DUOX1: variants seen among roughly 807,000 people sequenced by gnomAD.
DUOX1 encodes dual oxidase 1.
DUOX1 carries 134 observed loss-of-function variants against 181.8 expected under a neutral mutation model. The observed-to-expected ratio is 0.74, with a 90% confidence interval of 0.64 to 0.85. DUOX1 has a LOEUF of 0.85. Ranked by LOEUF, DUOX1 falls within the 40% of genes least tolerant of loss-of-function variation. The pLI is 0.00. For synonymous variants in DUOX1, 798 were observed against 832.5 expected, an observed-to-expected ratio of 0.96 and a Z score of 0.71; for missense variants, 1,814 against 2,064.4, an observed-to-expected ratio of 0.88 and a Z score of 2.35.
intron 29 of DUOX1, 47 bp downstream of exon 29, chr15:45,161,037 C>T (rs1897086487): frequency 1.2e-6 from 2 of 1,611,980 alleles, no homozygotes; most frequent in Non-Finnish European, 1.7e-6. Flanking sequence ...AGGGAGCTGA[C>T]CGGGCAGAGG....
chr15:45,157,003 G>A (rs1230282807), intron 28 of DUOX1, among the ~76,000 whole-genome samples: 1 of 152,200 alleles, frequency 6.6e-6, no homozygotes, highest in African/African-American at 2.4e-5. Flanking sequence ...GGCTCCAGCT[G>A]TTCCCTGCAG....
At chr15:45,162,111 C>T in intron 30 of DUOX1, 108 bp from the exon 31 acceptor site, 1 of 1,495,352 alleles carries the variant, frequency 6.7e-7, no homozygotes, top group South Asian at 1.3e-5. Flanking sequence ...ACAAATCCTC[C>T]TCTTCCCCTC....
chr15:45,152,153 G>A, intron 24 of DUOX1, 101 bp downstream of exon 24: 1 of 1,498,050 alleles, frequency 6.7e-7, no homozygotes, highest in Non-Finnish European at 9.0e-7. Flanking sequence ...GGTAGGGTAA[G>A]TGGAGCCTGT....
intron 20 of DUOX1, 24 bp from the exon 21 acceptor site, chr15:45,148,248 A>G (rs751743729): frequency 7.6e-5 from 122 of 1,613,534 alleles, no homozygotes; most frequent in Non-Finnish European, 9.9e-5. Context: ...TCAGGGCCGG[A>G]TGGTTCCTCT....
chr15:45,164,977 T>C lies in DUOX1; in HGVS notation c.*76T>C. 1 of 1,528,274 alleles carries C rather than the reference T, an allele frequency of 6.5e-7. No homozygotes were observed. The highest frequency in any genetic ancestry group is 1.7e-5 in the Admixed American group (1 of 57,216). 94.7% of individuals were successfully genotyped at this position (1,528,274 alleles called of 1,614,324 possible). The stretch of plus-strand genomic sequence containing the variant: ...CCACACCTCACCTCTGTTCTTCCTA[T>C]TTCTGGCTGCCTCAGCCTTCTCTGA... On this transcript the variant is annotated 3_prime_UTR_variant, in exon 34 of 34. Transcript: ENST00000389037.
chr15:45,134,229 G>A lies in DUOX1; in HGVS notation c.227G>A (p.Arg76Gln), dbSNP rs746628274. The change falls in exon 4 of 34, where the codon CGA (arginine) becomes CAA (glutamine). Residue 76 changes from arginine (R) to glutamine (Q), a missense_variant. Arg to Gln is a conservative substitution (Grantham distance 43). Around this residue, in one of 5 missense-constraint regions of DUOX1, gnomAD observed 320 missense variants for 313.1 expected, o/e 1.02. Coordinates refer to ENST00000389037, the MANE Select transcript of DUOX1 (RefSeq NM_175940.3). ...GGAGAACCCCACCTGCCCAACCCCC[G>A]AGACCTTAGCAACACCATCTCAAGG... ...PLGEPHLPNP[R>Q]DLSNTISRGP... 7.5e-5 allele frequency: 119 copies of A among 1,578,420 alleles called. No individual in the cohort carries two copies. The highest frequency in any genetic ancestry group is 9.4e-5 in the Non-Finnish European group (110 of 1,164,978).
At chr15:45,148,741 G>A (rs964948029) in intron 21 of DUOX1, among the ~76,000 whole-genome samples, 1 of 152,078 alleles carries the variant, frequency 6.6e-6, no homozygotes. Context: ...CTGGTGGGGT[G>A]GGTAGGGTCA....
At position 45,145,025 on chromosome 15, in the gene DUOX1, C is replaced by A; in HGVS notation, c.2267C>A (p.Thr756Lys). 1 of 1,613,710 alleles carries A rather than the reference C, an allele frequency of 6.2e-7. No homozygotes were observed. Among genetic ancestry groups the A allele is most frequent in the Non-Finnish European group, 8.5e-7 (1 of 1,179,864 alleles). ...REQELMRAAV[T>K]REQRRHLLET... ...CAGGAGCTGATGAGAGCAGCTGTGA[C>A]ACGGGAGCAGCGGAGGCACCTCCTG... Residue 756 changes from threonine to lysine, a missense_variant, in exon 18 of 34, where the codon ACA (threonine) becomes AAA (lysine). By Grantham distance (78) the Thr-to-Lys change is moderately conservative. Transcript: ENST00000389037.
intron 23 of DUOX1, among the ~76,000 whole-genome samples, chr15:45,151,653 A>T (rs1896806639): frequency 6.6e-6 from 1 of 152,086 alleles, no homozygotes; most frequent in African/African-American, 2.4e-5. Context: ...CTGGGAAGAA[A>T]TGACCACTCC....
In DUOX1 at chr15:45,142,044, G is replaced by C. The variant is rs370040367; in HGVS notation, c.1754G>C (p.Arg585Pro). The change falls in exon 15 of 34, where the codon CGT becomes CCT. Residue 585 changes from arginine (R) to proline (P), a missense_variant. Transcript: ENST00000389037. ...GLPACAPSVVRDYFEGSGFGF... is the reference protein window; with the variant it reads ...GLPACAPSVVPDYFEGSGFGF... ...CCAGCGTGTGCTCCCTCTGTTGTTCGTGACTATTTTGAGGGCAGTGGATTT... is the reference window on the plus strand; with the variant it reads ...CCAGCGTGTGCTCCCTCTGTTGTTCCTGACTATTTTGAGGGCAGTGGATTT... 3.7e-5 allele frequency: 60 copies of C among 1,613,888 alleles called. No individual in the cohort carries two copies. The highest frequency in any genetic ancestry group is 1.1e-5 in the South Asian group (1 of 91,072).
Position 45,141,387 on chromosome 15 carries a change from C to A in DUOX1, c.1661C>A (p.Pro554His). Residue 554 changes from proline to histidine, a missense_variant, in exon 14 of 34, where the codon CCC (proline) becomes CAC (histidine). By Grantham distance (77) the Pro-to-His change is moderately conservative (BLOSUM62 -2). Coordinates refer to ENST00000389037, the MANE Select transcript of DUOX1 (RefSeq NM_175940.3). ...VINIDPSALQ[P>H]NVFVWHKGDP... ...AACATTGACCCCAGTGCTCTGCAGC[C>A]CAATGTCTTTGTCTGGCATAAAGGT... 1 of 1,614,194 alleles carries A rather than the reference C, an allele frequency of 6.2e-7. No individual in the cohort carries two copies. The highest frequency in any genetic ancestry group is 8.5e-7 in the Non-Finnish European group (1 of 1,180,044).
chr15:45,135,131 G>C lies in DUOX1; in HGVS notation c.335G>C (p.Ser112Thr). The C allele has an allele frequency of 6.2e-7, 1 of 1,613,796 alleles. No individual in the cohort carries two copies. The highest frequency in any genetic ancestry group is 8.5e-7 in the Non-Finnish European group (1 of 1,179,914). The change falls in exon 5 of 34, where the codon AGC (serine) becomes ACC (threonine). Residue 112 changes from serine (S) to threonine (T), a missense_variant. This residue lies in a region of DUOX1 where 320 missense variants were observed against 313.1 expected (regional missense o/e 1.02). Coordinates refer to ENST00000389037, the MANE Select transcript of DUOX1 (RefSeq NM_175940.3). Reference sequence around the variant, plus strand: ...TATCACGTGCTTTCAGACCTGGTGAGCGTGGAAACTCCCGGCTGCCCCGCC... The same window carrying C: ...TATCACGTGCTTTCAGACCTGGTGACCGTGGAAACTCCCGGCTGCCCCGCC... Reference protein sequence around the residue: ...FGYHVLSDLVSVETPGCPAEF... With the variant: ...FGYHVLSDLVTVETPGCPAEF...
chr15:45,140,292 T>G (rs916785863), intron 12 of DUOX1, among the ~76,000 whole-genome samples: 3 of 152,164 alleles, frequency 2.0e-5, no homozygotes, highest in Non-Finnish European at 4.4e-5. Context: ...AGAAGTGATA[T>G]GAGCATGGGG....
chr15:45,151,788 C>A, intron 23 of DUOX1, 86 bp from the exon 24 acceptor site: 4 of 1,416,090 alleles, frequency 2.8e-6, no homozygotes, highest in Non-Finnish European at 3.9e-6. Context: ...TCCCTCACTT[C>A]TGGGCGGCTC....
In DUOX1 at chr15:45,152,534, C is replaced by G. The variant is rs764178897; in HGVS notation, c.3424+18C>G. On this transcript the variant is annotated intron_variant, in intron 25 of 33. Transcript: ENST00000389037. ...CCTCACAGGCAGGGCCTGGGTGTCC[C>G]TGGGAGGCTCTCCAGGGCCTCCCGC... 3.1e-6 allele frequency: 5 copies of G among 1,610,746 alleles called. No homozygotes were observed. The highest frequency in any genetic ancestry group is 4.2e-6 in the Non-Finnish European group (5 of 1,177,788).
rs2141271683 is a variant in DUOX1, at chr15:45,144,247, C to T, written c.2136+12C>T. 2 of 1,613,526 alleles carry T rather than the reference C, an allele frequency of 1.2e-6. No individual in the cohort carries two copies. The highest frequency in any genetic ancestry group is 3.3e-4 in the Middle Eastern group (2 of 6,030). Reference sequence around the variant, plus strand: ...AGGAGTATGACCTGGTATGGCTCAGCTGGCATCTGGCTCCTTGTCCACAGC... The same window carrying T: ...AGGAGTATGACCTGGTATGGCTCAGTTGGCATCTGGCTCCTTGTCCACAGC... On this transcript the variant is annotated intron_variant, in intron 17 of 33. Coordinates refer to ENST00000389037, the MANE Select transcript of DUOX1 (RefSeq NM_175940.3).
chr15:45,139,957 CT>C, intron 12 of DUOX1: 1 of 779,598 alleles, frequency 1.3e-6, no homozygotes, highest in Non-Finnish European at 2.1e-6. Flanking sequence ...TTTAAGCCAC[CT>C]TTCAGGAGTC....
chr15:45,136,736 A>G (rs374076030), intron 9 of DUOX1, 111 bp downstream of exon 9: 35 of 976,812 alleles, frequency 3.6e-5, no homozygotes, highest in South Asian at 2.6e-4. Flanking sequence ...AGTGTCCCCA[A>G]GGGAAAGACC....
chr15:45,134,140 C>T lies in DUOX1; in HGVS notation c.143-5C>T. ...TCATCCTTATCCTTACCCCTCCTACCCCAGGCTCCCGGCTGCAGCGCCTGG... is the reference window on the plus strand; with the variant it reads ...TCATCCTTATCCTTACCCCTCCTACTCCAGGCTCCCGGCTGCAGCGCCTGG... On this transcript the variant is annotated splice_region_variant and splice_polypyrimidine_tract_variant and intron_variant, in intron 3 of 33. Coordinates refer to ENST00000389037, the MANE Select transcript of DUOX1 (RefSeq NM_175940.3). The T allele has an allele frequency of 6.5e-7, 1 of 1,550,332 alleles. No homozygotes were observed. Among genetic ancestry groups the T allele is most frequent in the Non-Finnish European group, 8.7e-7 (1 of 1,153,590 alleles).
Sources: gnomAD v4.1 joint callset for allele counts (sites outside exome capture counted in the v4.1 genomes callset) on GRCh38, gnomAD v4.1.1 for gene constraint, gnomAD v4.1.1 regional missense constraint, MANE v1.5 for transcripts, NCBI Gene and HGNC (gene_info 2026-07-23, HGNC 2026-07-21) for gene names.